The following SLC25A15 variants were observed in gnomAD, a reference collection of about 807,000 sequenced individuals.
The protein encoded by SLC25A15 is solute carrier family 25 member 15.
In SLC25A15, 24 loss-of-function variants were observed where a neutral mutation model predicts 32.3. That is an observed-to-expected ratio of 0.74 (90% CI 0.54 to 1.04). The LOEUF is 1.04. Ranked by LOEUF, SLC25A15 falls within the 50% of genes least tolerant of loss-of-function variation. The pLI is 0.00. For missense variants in SLC25A15, 317 were observed against 374.5 expected (o/e 0.85, Z 1.27); for synonymous variants, 132 against 142.1 (o/e 0.93, Z 0.51).
At chr13:40,800,501 C>T (rs552596238) in intron 3 of SLC25A15, among the ~76,000 whole-genome samples, 4 of 152,286 alleles carry the variant, frequency 2.6e-5, no homozygotes, top group Admixed American at 6.5e-5. Context: ...GAGAGACACT[C>T]TATTAGAGAA....
At chr13:40,799,888 C>T (rs566884860) in intron 3 of SLC25A15, among the ~76,000 whole-genome samples, 13 of 152,294 alleles carry the variant, frequency 8.5e-5, no homozygotes, top group African/African-American at 1.4e-4. Context: ...TAGGAAGGGT[C>T]GGAAATGTCT....
rs756007568 is a variant in SLC25A15 at position 40,807,389 on chromosome 13, G to A, written c.548G>A (p.Gly183Asp). 1 of 1,614,144 alleles carries A rather than the reference G, an allele frequency of 6.2e-7. No individual in the cohort carries two copies. Among genetic ancestry groups the A allele is most frequent in the Non-Finnish European group, 8.5e-7 (1 of 1,180,010 alleles). The change falls in exon 5 of 7, where the codon GGC becomes GAC. Residue 183 changes from glycine to aspartate, a missense_variant. By Grantham distance (94) the Gly-to-Asp change is moderately conservative. Transcript: ENST00000338625. ...LSSTLLREVP[G>D]YFFFFGGYEL... The stretch of plus-strand genomic sequence containing the variant: ...AGCACTTTACTTCGAGAAGTACCAG[G>A]CTATTTCTTCTTCTTCGGTGGCTAT...
At position 40,804,528 on chromosome 13, in the gene SLC25A15, T is replaced by G. The variant is rs574010058; in HGVS notation, c.315-590T>G. 2.7e-5 allele frequency among the ~76,000 whole-genome samples: 4 copies of G among 146,136 alleles called. No individual in the cohort carries two copies. The East Asian group carries it at 8.2e-4, about 30-fold the overall frequency. On this transcript the variant is annotated intron_variant, in intron 3 of 6. Transcript: ENST00000338625. ...CTTAGATGAAACAGCACATGCAAGT[T>G]TCCTTCCTTTCATCATTTTTTTTTT...
At chr13:40,798,966 G>T in intron 2 of SLC25A15, 91 bp from the exon 3 acceptor site, 1 of 1,611,050 alleles carries the variant, frequency 6.2e-7, no homozygotes, top group Admixed American at 1.7e-5. Context: ...CCGAAGCAGG[G>T]GTAAGTTCTG....
At chr13:40,795,704 G>C (rs1256296716) in intron 2 of SLC25A15, among the ~76,000 whole-genome samples, 4 of 152,138 alleles carry the variant, frequency 2.6e-5, no homozygotes, top group South Asian at 2.1e-4. Flanking sequence ...GGCAGAGGAG[G>C]TGCCTAGCAG....
At chr13:40,809,414 T>A in intron 6 of SLC25A15, 129 bp from the exon 7 acceptor site, 1 of 1,157,534 alleles carries the variant, frequency 8.6e-7, no homozygotes. Flanking sequence ...AATGCATCCT[T>A]CTATGACTTG....
Position 40,810,984 on chromosome 13 carries a change from T to C in SLC25A15, c.*1317T>C. 2.5e-6 allele frequency: 1 copy of C among 406,106 alleles called. No homozygotes were observed. The highest frequency in any genetic ancestry group is 5.0e-6 in the Non-Finnish European group (1 of 201,702). The allele number at this position is 406,106 out of a possible 1,614,324, so 25.2% of individuals were successfully genotyped here. ...AGAAGCCTTCTTCCCTGTTTGGTGA[T>C]TGTGTGACAGTGGGTGAACCTCTCT... On this transcript the variant is annotated 3_prime_UTR_variant, in exon 7 of 7. Coordinates refer to ENST00000338625, the MANE Select transcript of SLC25A15 (RefSeq NM_014252.4).
chr13:40,794,760 G>A (rs1881617511), intron 2 of SLC25A15, among the ~76,000 whole-genome samples: 1 of 152,126 alleles, frequency 6.6e-6, no homozygotes, highest in Non-Finnish European at 1.5e-5. Context: ...CAGCGGGGGT[G>A]TTGCCCAGTG....
intron 1 of SLC25A15, among the ~76,000 whole-genome samples, chr13:40,791,099 A>G (rs1281022907): frequency 6.6e-6 from 1 of 151,674 alleles, no homozygotes; most frequent in Non-Finnish European, 1.5e-5. Flanking sequence ...TCTTTCCCAA[A>G]AATATAGGGT....
chr13:40,792,717 C>A (rs961478368), intron 1 of SLC25A15, among the ~76,000 whole-genome samples: 10 of 152,210 alleles, frequency 6.6e-5, no homozygotes, highest in Admixed American at 3.9e-4. Context: ...GCAGCTCCCA[C>A]CCTTGGCTGC....
chr13:40,800,760 G>A (rs921703968), intron 3 of SLC25A15, among the ~76,000 whole-genome samples: 1 of 152,128 alleles, frequency 6.6e-6, no homozygotes, highest in African/African-American at 2.4e-5. Flanking sequence ...AGAGCATATT[G>A]CTTTTCTGCT....
At chr13:40,803,318 G>A (rs1451816948) in intron 3 of SLC25A15, among the ~76,000 whole-genome samples, 3 of 151,656 alleles carry the variant, frequency 2.0e-5, no homozygotes, top group African/African-American at 7.3e-5. Context: ...TGGTTCAAGC[G>A]CTTCTTGTGC....
At chr13:40,802,289 A>G (rs1021571942) in intron 3 of SLC25A15, 1 of 152,242 alleles carries the variant, frequency 6.6e-6, no homozygotes, top group Non-Finnish European at 1.5e-5. Context: ...TCCACACCCC[A>G]TAAAAGCGTG....
chr13:40,793,102 C>G (rs1197958330), intron 1 of SLC25A15, 56 bp from the exon 2 acceptor site: 1 of 962,356 alleles, frequency 1.0e-6, no homozygotes, highest in Non-Finnish European at 1.6e-6. Context: ...GGCTGCAGGC[C>G]TAGAGAACAG....
At chr13:40,794,131 A>G (rs1593288639) in intron 2 of SLC25A15, among the ~76,000 whole-genome samples, 1 of 152,228 alleles carries the variant, frequency 6.6e-6, no homozygotes, top group African/African-American at 2.4e-5. Context: ...ACCTGAGGTG[A>G]GGAGTTCAAG....
chr13:40,808,932 C>CAAAGAAA (rs1882322956), intron 6 of SLC25A15, among the ~76,000 whole-genome samples: 1 of 78,854 alleles, frequency 1.3e-5, no homozygotes, highest in Non-Finnish European at 2.5e-5. Context: ...GACTCTGTCT[C>CAAAGAAA]AAAAAAAAAA....
rs34615430 is a variant in SLC25A15, at chr13:40,799,183, G to C, written c.182G>C (p.Arg61Pro). The C allele has an allele frequency of 6.2e-7, 1 of 1,614,208 alleles. No homozygotes were observed. Among genetic ancestry groups the C allele is most frequent in the Non-Finnish European group, 8.5e-7 (1 of 1,180,044 alleles). ...CLKTYSQVGF[R>P]GFYKGTSPAL... ...AAGACTTACTCCCAGGTGGGCTTCCGTGGCTTCTACAAGGGTACCAGTCCA... is the reference window on the plus strand; with the variant it reads ...AAGACTTACTCCCAGGTGGGCTTCCCTGGCTTCTACAAGGGTACCAGTCCA... The change falls in exon 3 of 7, where the codon CGT (arginine) becomes CCT (proline). Residue 61 changes from arginine (R) to proline (P), a missense_variant. By Grantham distance (103) the Arg-to-Pro change is moderately radical (BLOSUM62 -2). Coordinates refer to ENST00000338625, the MANE Select transcript of SLC25A15 (RefSeq NM_014252.4).
At chr13:40,792,740 T>C (rs529670402) in intron 1 of SLC25A15, among the ~76,000 whole-genome samples, 1 of 152,312 alleles carries the variant, frequency 6.6e-6, no homozygotes, top group African/African-American at 2.4e-5. Flanking sequence ...GGGTGCTCTT[T>C]TCCAGACCTA....
At position 40,799,325 on chromosome 13, in the gene SLC25A15, G is replaced by A. The variant is rs538900917; in HGVS notation, c.314+10G>A. On this transcript the variant is annotated intron_variant, in intron 3 of 6. Transcript: ENST00000338625. ...AGCAGGCAAAGCTGAGGTGAGTCAA[G>A]GACACACACTTTTTTTATTTGTTTA... The A allele has an allele frequency of 3.7e-6, 6 of 1,614,028 alleles. No homozygotes were observed. In the East Asian group the frequency reaches 6.7e-5, roughly 18 times the overall value.
Sources: allele counts gnomAD v4.1 joint callset (sites outside exome capture counted in the v4.1 genomes callset), GRCh38; gene constraint gnomAD v4.1.1; transcripts MANE v1.5; gene names NCBI Gene and HGNC (gene_info 2026-07-23, HGNC 2026-07-21).